The following FNDC3A variants were observed in gnomAD, a reference collection of about 807,000 sequenced individuals.
The protein encoded by FNDC3A is fibronectin type III domain containing 3A, also known as fibronectin type-III domain-containing protein 3A.
Under a neutral mutation model 148.9 loss-of-function variants are expected in FNDC3A, and 32 were observed. The observed-to-expected ratio is 0.21, with a 90% confidence interval of 0.16 to 0.29. The LOEUF is 0.29. FNDC3A is among the 10% of genes least tolerant of loss of function. The pLI, the probability that FNDC3A is intolerant of heterozygous loss-of-function variation, is 1.00. For synonymous variants in FNDC3A, 472 were observed against 473.6 expected, an observed-to-expected ratio of 1.00 and a Z score of 0.04; for missense variants, 1,191 against 1,452.8, an observed-to-expected ratio of 0.82 and a Z score of 2.93.
At chr13:49,020,422 T>G (rs927880039) in intron 2 of FNDC3A, among the ~76,000 whole-genome samples, 1 of 152,244 alleles carries the variant, frequency 6.6e-6, no homozygotes, top group East Asian at 1.9e-4. Context: ...TTAAGTCTTA[T>G]CAGTCAGAAT....
intron 1 of FNDC3A, among the ~76,000 whole-genome samples, chr13:49,005,083 A>T (rs905308501): frequency 6.6e-6 from 1 of 152,012 alleles, no homozygotes. Context: ...CTCATTTTAC[A>T]TTATTGTGGT....
At chr13:48,978,768 G>A (rs931368383) in intron 1 of FNDC3A, among the ~76,000 whole-genome samples, 1 of 151,974 alleles carries the variant, frequency 6.6e-6, no homozygotes, top group Admixed American at 6.5e-5. Flanking sequence ...ATTCCATTGA[G>A]CCTTTTACTG....
At position 48,982,213 on chromosome 13, in the gene FNDC3A, A is replaced by G. The variant is rs1286203200; in HGVS notation, c.-40+6036A>G. ...TTAAGATTTGCTTAAATAAAAAGTGAAAATTCATAATTTGCGATTTTATGT... is the reference window on the plus strand; with the variant it reads ...TTAAGATTTGCTTAAATAAAAAGTGGAAATTCATAATTTGCGATTTTATGT... On this transcript the variant is annotated intron_variant, in intron 1 of 25. Transcript: ENST00000492622. 3.9e-5 allele frequency among the ~76,000 whole-genome samples: 6 copies of G among 152,110 alleles called. No individual in the cohort carries two copies. The East Asian group carries it at 1.2e-3, about 29-fold the overall frequency.
Position 49,208,368 on chromosome 13 carries a change from A to T in FNDC3A, c.*973A>T, listed in dbSNP as rs981029435. ...ATAAGTTTCTGCTGCTTCTCCCATA[A>T]CTGCTGCCACCACCATCAGAATTCA... On this transcript the variant is annotated 3_prime_UTR_variant, in exon 26 of 26. Transcript: ENST00000492622. The T allele has an allele frequency of 2.6e-5, 4 of 152,586 alleles. No individual in the cohort carries two copies. Among genetic ancestry groups the T allele is most frequent in the Admixed American group, 6.5e-5 (1 of 15,276 alleles). 9.5% of individuals were successfully genotyped at this position (152,586 alleles called of 1,614,324 possible).
At chr13:49,128,727 T>A (rs1175336223) in intron 4 of FNDC3A, among the ~76,000 whole-genome samples, 1 of 152,240 alleles carries the variant, frequency 6.6e-6, no homozygotes, top group Non-Finnish European at 1.5e-5. Flanking sequence ...CTTCATCTGC[T>A]TCTGCCTTTG....
chr13:49,144,712 C>T (rs1003352655), intron 7 of FNDC3A, among the ~76,000 whole-genome samples: 2 of 151,932 alleles, frequency 1.3e-5, no homozygotes, highest in Admixed American at 6.6e-5. Context: ...ATGTTTTTTT[C>T]TGTCACAACT....
chr13:49,137,847 AT>A (rs1593645007), intron 6 of FNDC3A, among the ~76,000 whole-genome samples: 1 of 152,256 alleles, frequency 6.6e-6, no homozygotes, highest in East Asian at 1.9e-4. Flanking sequence ...AATACTGACT[AT>A]TATCTGTTTG....
At chr13:49,095,652 G>C (rs1202672304) in intron 3 of FNDC3A, among the ~76,000 whole-genome samples, 2 of 151,968 alleles carry the variant, frequency 1.3e-5, no homozygotes, top group African/African-American at 2.4e-5. Context: ...GGATATCCTG[G>C]TGAGAAGGAC....
chr13:49,086,408 C>G (rs1215991841), intron 3 of FNDC3A, among the ~76,000 whole-genome samples: 2 of 152,174 alleles, frequency 1.3e-5, no homozygotes, highest in East Asian at 1.9e-4. Flanking sequence ...TTAGATTCTA[C>G]AAGTTTCTAC....
intron 12 of FNDC3A, 131 bp from the exon 13 acceptor site, chr13:49,175,236 A>G: frequency 1.8e-6 from 1 of 553,988 alleles, no homozygotes. Context: ...ATCAAACCCA[A>G]GATATATTAT....
chr13:49,019,491 C>T (rs889539450), intron 2 of FNDC3A, among the ~76,000 whole-genome samples: 14 of 152,190 alleles, frequency 9.2e-5, no homozygotes, highest in Non-Finnish European at 1.6e-4. Context: ...CACTGACCTG[C>T]GCCCACTGTC....
At chr13:49,003,939 T>C (rs531579717) in intron 1 of FNDC3A, among the ~76,000 whole-genome samples, 27 of 152,348 alleles carry the variant, frequency 1.8e-4, no homozygotes, top group African/African-American at 6.3e-4. Flanking sequence ...ATGCTGGAGC[T>C]GTCTTAACTT....
chr13:49,160,761 C>A (rs1309712965), intron 8 of FNDC3A, among the ~76,000 whole-genome samples: 4 of 151,466 alleles, frequency 2.6e-5, no homozygotes, highest in Non-Finnish European at 5.9e-5. Flanking sequence ...GCATTTAGTG[C>A]TATAAATTTC....
At chr13:49,025,473 G>A (rs962958620) in intron 2 of FNDC3A, among the ~76,000 whole-genome samples, 3 of 151,964 alleles carry the variant, frequency 2.0e-5, no homozygotes, top group African/African-American at 4.8e-5. Flanking sequence ...ATTAATTTCA[G>A]TGTCTTATAT....
At position 49,136,364 on chromosome 13, in the gene FNDC3A, A is replaced by G. The variant is rs766771306; in HGVS notation, c.523A>G (p.Arg175Gly). 6.2e-7 allele frequency: 1 copy of G among 1,614,126 alleles called. No individual in the cohort carries two copies. The highest frequency in any genetic ancestry group is 1.1e-5 in the South Asian group (1 of 91,082). The change falls in exon 6 of 26, where the codon AGA (arginine) becomes GGA (glycine). Residue 175 changes from arginine to glycine, a missense_variant. By Grantham distance (125) the Arg-to-Gly change is moderately radical. This residue lies in a region of FNDC3A where 426 missense variants were observed against 473.2 expected (regional missense o/e 0.90). Coordinates refer to ENST00000492622, the MANE Select transcript of FNDC3A (RefSeq NM_001079673.2). ...AHSTHGRSNF[R>G]DERSSKTYER... is the part of the protein sequence containing the mutation. ...CTCTACACATGGAAGGTCCAACTTT[A>G]GAGATGAACGATCTAGTAAAACATA...
chr13:49,011,564 A>C (rs1952347001), intron 2 of FNDC3A, among the ~76,000 whole-genome samples: 1 of 152,048 alleles, frequency 6.6e-6, no homozygotes, highest in African/African-American at 2.4e-5. Flanking sequence ...GACAGTCTTT[A>C]ATTTTAATAT....
At chr13:49,189,576 A>G (rs1448529709) in intron 17 of FNDC3A, among the ~76,000 whole-genome samples, 1 of 152,058 alleles carries the variant, frequency 6.6e-6, no homozygotes, top group African/African-American at 2.4e-5. Context: ...ATTTAATGCA[A>G]TGAAAGTATT....
Position 49,010,589 on chromosome 13 carries a change from T to G in FNDC3A, c.99+4300T>G, listed in dbSNP as rs372830581. On this transcript the variant is annotated intron_variant, in intron 2 of 25. Transcript: ENST00000492622. ...TGCCCTCAGCTTTTTAAAACCTGTT[T>G]TAAATCATGAAGTATAACATATATT... Among the ~76,000 whole-genome samples the G allele has an allele frequency of 9.6e-4, 146 of 152,292 alleles. 1 individual carries two copies. Among genetic ancestry groups the G allele is most frequent in the African/African-American group, 3.4e-3 (140 of 41,566 alleles).
intron 2 of FNDC3A, among the ~76,000 whole-genome samples, chr13:49,074,632 T>A (rs190717237): frequency 5.3e-5 from 8 of 152,296 alleles, no homozygotes; most frequent in Admixed American, 5.2e-4. Flanking sequence ...TTTAATAATA[T>A]TGAACTTTAA....
Sources: gnomAD v4.1 joint callset for allele counts (sites outside exome capture counted in the v4.1 genomes callset) on GRCh38, gnomAD v4.1.1 for gene constraint, gnomAD v4.1.1 regional missense constraint, MANE v1.5 for transcripts, NCBI Gene and HGNC (gene_info 2026-07-23, HGNC 2026-07-21) for gene names.